The following KDM6A variants were observed in gnomAD, a reference collection of about 807,000 sequenced individuals.
KDM6A encodes the protein lysine-specific demethylase 6A.
Under a neutral mutation model 117.6 loss-of-function variants are expected in KDM6A, and 11 were observed. The observed-to-expected ratio is 0.09, with a 90% CI of 0.06 to 0.15. The LOEUF is 0.15. KDM6A is among the 10% of genes least tolerant of loss of function. The pLI, the probability that KDM6A is intolerant of heterozygous loss-of-function variation, is 1.00. For synonymous variants in KDM6A, 384 were observed against 396.1 expected (o/e 0.97, Z 0.36); for missense variants, 799 against 1,077.3 (o/e 0.74, Z 3.62).
chrX:44,873,368 C>T lies in KDM6A; in HGVS notation c.-184C>T. ...TGCCGACCCGGGGGCTCCGCAGCCC[C>T]TGCCGCCGCCGCCGCCGCCTTCACC... On this transcript the variant is annotated 5_prime_UTR_variant, in exon 1 of 30. Transcript: ENST00000611820. 1 of 636,279 alleles carries T rather than the reference C, an allele frequency of 1.6e-6. No individual in the cohort carries two copies. The highest frequency in any genetic ancestry group is 2.3e-6 in the Non-Finnish European group (1 of 433,342). The allele number at this position is 636,279 out of a possible 1,213,427, so 52.4% of individuals were successfully genotyped here. A position where few individuals can be genotyped will look rare whatever the true frequency, so the allele number is the denominator to read the frequency against.
At chrX:44,943,234 T>G (rs2037438935) in intron 2 of KDM6A, among the ~76,000 whole-genome samples, 1 of 111,713 alleles carries the variant, frequency 9.0e-6, no homozygotes, top group South Asian at 3.8e-4. Flanking sequence ...TCACACAATT[T>G]TTTTGGTCTC....
In KDM6A at chrX:45,006,593, G is replaced by T. The variant is rs761161706; in HGVS notation, c.385-4368G>T. On this transcript the variant is annotated intron_variant, in intron 4 of 29. Transcript: ENST00000611820. ...TGGCTGATTTAAAGAGAGTGACGGG[G>T]TGAGTGGTTTGGTGGGAAAAATGGT... Among the ~76,000 whole-genome samples, 7 of 110,453 alleles carry T rather than the reference G, an allele frequency of 6.3e-5. No individual in the cohort carries two copies. In the East Asian group the frequency reaches 1.4e-3, roughly 23 times the overall value.
At chrX:44,896,115 C>G (rs1482114630) in intron 2 of KDM6A, among the ~76,000 whole-genome samples, 2 of 107,369 alleles carry the variant, frequency 1.9e-5, no homozygotes, top group Non-Finnish European at 3.9e-5. Context: ...GCTCAGTCAC[C>G]CAGGCTAGAG....
intron 6 of KDM6A, among the ~76,000 whole-genome samples, chrX:45,023,306 A>G (rs971183325): frequency 9.0e-6 from 1 of 111,597 alleles, no homozygotes. Context: ...TACTTTTTGG[A>G]TGGTAAACTA....
At chrX:45,044,776 TTAAC>T (rs1189164987) in intron 8 of KDM6A, among the ~76,000 whole-genome samples, 2 of 111,830 alleles carry the variant, frequency 1.8e-5, no homozygotes, top group Admixed American at 9.5e-5. Flanking sequence ...GTTAACTAAT[TTAAC>T]TACTCCCCTT....
chrX:44,923,008 A>G (rs948099908), intron 2 of KDM6A, among the ~76,000 whole-genome samples: 5 of 111,618 alleles, frequency 4.5e-5, no homozygotes, highest in Admixed American at 2.9e-4. Context: ...GGCTTGTTAT[A>G]TAGAATTCTA....
At chrX:44,879,600 T>C (rs907236200) in intron 2 of KDM6A, among the ~76,000 whole-genome samples, 5 of 112,453 alleles carry the variant, frequency 4.4e-5, no homozygotes, top group Admixed American at 2.8e-4. Context: ...ATGTAGATAG[T>C]ATGAAGATAG....
At chrX:45,079,636 C>T (rs1351438264) in intron 21 of KDM6A, among the ~76,000 whole-genome samples, 2 of 111,783 alleles carry the variant, frequency 1.8e-5, no homozygotes, top group African/African-American at 6.5e-5. Context: ...CTCTGCCTCC[C>T]AGGTTCAAGC....
chrX:44,881,494 G>A (rs1486598459), intron 2 of KDM6A, among the ~76,000 whole-genome samples: 2 of 111,688 alleles, frequency 1.8e-5, no homozygotes, highest in Non-Finnish European at 3.8e-5. Flanking sequence ...TTGTTAGACA[G>A]TTTTAGGTTT....
chrX:44,986,048 T>G (rs1203609942), intron 4 of KDM6A, among the ~76,000 whole-genome samples: 2 of 111,595 alleles, frequency 1.8e-5, no homozygotes, highest in African/African-American at 6.5e-5. Context: ...CTGGACTTTT[T>G]TTGGTTGGTA....
At chrX:45,031,429 G>A (rs1226685609) in intron 6 of KDM6A, among the ~76,000 whole-genome samples, 1 of 111,901 alleles carries the variant, frequency 8.9e-6, no homozygotes, top group Non-Finnish European at 1.9e-5. Context: ...TACATACCTT[G>A]TTTATATAGT....
intron 2 of KDM6A, among the ~76,000 whole-genome samples, chrX:44,887,873 T>C (rs1466455476): frequency 1.8e-5 from 2 of 111,315 alleles, no homozygotes; most frequent in Non-Finnish European, 3.8e-5. Flanking sequence ...CTGGGCATGG[T>C]GGCATTCGTT....
chrX:45,076,808 A>G lies in KDM6A; in HGVS notation c.2970A>G (p.Pro990=), dbSNP rs767248655. ...YPPLPKDKLN[P]PTPSIYLENK... ...CCTTGCCAAAGGACAAGTTGAATCC[A>G]CCTACACCTAGTATTTACGTGAGTC... Residue 990 remains proline, a synonymous_variant, in exon 19 of 30, where the codon CCA becomes CCG. Transcript: ENST00000611820. 2.3e-5 allele frequency: 27 copies of G among 1,198,926 alleles called. No individual in the cohort carries two copies. In the Admixed American group the frequency reaches 5.7e-4, roughly 25 times the overall value.
intron 2 of KDM6A, among the ~76,000 whole-genome samples, chrX:44,908,307 A>G (rs1301871300): frequency 8.9e-6 from 1 of 111,843 alleles, no homozygotes; most frequent in Non-Finnish European, 1.9e-5. Flanking sequence ...ACCACCACCA[A>G]TGCCACCATT....
At chrX:45,080,386 C>T (rs1396784751) in intron 21 of KDM6A, among the ~76,000 whole-genome samples, 1 of 111,560 alleles carries the variant, frequency 9.0e-6, no homozygotes, top group African/African-American at 3.3e-5. Context: ...TACAAAAATC[C>T]TCTAGCACTA....
chrX:45,054,879 A>T (rs73490985), intron 10 of KDM6A, among the ~76,000 whole-genome samples: 24,261 of 111,104 alleles, frequency 0.22, 4,343 homozygotes, highest in African/African-American at 0.61. Flanking sequence ...GCCAAGGACA[A>T]TTCACAATGT....
chrX:45,038,043 G>A (rs2042892415), intron 8 of KDM6A, among the ~76,000 whole-genome samples: 1 of 111,228 alleles, frequency 9.0e-6, no homozygotes, highest in African/African-American at 3.3e-5. Flanking sequence ...CCAACATGAC[G>A]AAACCCCATC....
chrX:44,911,882 T>C (rs1051138313), intron 2 of KDM6A, among the ~76,000 whole-genome samples: 6 of 110,324 alleles, frequency 5.4e-5, no homozygotes, highest in African/African-American at 2.0e-4. Flanking sequence ...TGAAAACCAG[T>C]CAGGCGTGGC....
intron 27 of KDM6A, chrX:45,106,712 T>C (rs141551510): frequency 0.017 from 5,466 of 320,134 alleles, 273 homozygotes; most frequent in African/African-American, 0.14. Flanking sequence ...TCAGTACAAA[T>C]TGTGAGAATT....
Sources: allele counts gnomAD v4.1 joint callset (sites outside exome capture counted in the v4.1 genomes callset), GRCh38; gene constraint gnomAD v4.1.1; transcripts MANE v1.5; gene names NCBI Gene and HGNC (gene_info 2026-07-23, HGNC 2026-07-21).